The following KATNIP variants were observed in gnomAD, a reference collection of about 807,000 sequenced individuals.
The protein encoded by KATNIP is katanin-interacting protein.
In KATNIP, 126 loss-of-function variants were observed where a neutral mutation model predicts 174.0. That is an observed-to-expected ratio of 0.72 (90% CI 0.63 to 0.84). The LOEUF (loss-of-function observed/expected upper bound fraction) is 0.84. Among genes scored for constraint, KATNIP ranks in the 40% least tolerant of loss-of-function variants. The probability of loss-of-function intolerance (pLI) is 0.00; values close to 1 mark genes in which losing one functional copy is unlikely to be tolerated. For missense variants in KATNIP, 1,958 were observed against 2,109.7 expected, an observed-to-expected ratio of 0.93 and a Z score of 1.41; for synonymous variants, 810 against 835.7, an observed-to-expected ratio of 0.97 and a Z score of 0.53.
At chr16:27,578,109 T>C (rs1399415111) in intron 2 of KATNIP, among the ~76,000 whole-genome samples, 1 of 152,154 alleles carries the variant, frequency 6.6e-6, no homozygotes, top group African/African-American at 2.4e-5. Context: ...TTTAATCCCC[T>C]AAGTGGTTCC....
chr16:27,661,963 CATATATATATATATATATAT>C (rs56379426), intron 6 of KATNIP, among the ~76,000 whole-genome samples: 1 of 6,752 alleles, frequency 1.5e-4, no homozygotes, highest in African/African-American at 6.0e-4. Context: ...TATACACATA[CATATATATATATATATATAT>C]ATACACATAC....
chr16:27,693,668 C>T (rs1277955986), intron 8 of KATNIP, among the ~76,000 whole-genome samples: 5 of 152,146 alleles, frequency 3.3e-5, no homozygotes, highest in African/African-American at 7.2e-5. Flanking sequence ...GGATTACAGA[C>T]GTGAGCCACT....
intron 1 of KATNIP, among the ~76,000 whole-genome samples, chr16:27,551,596 T>C (rs1364611825): frequency 6.6e-6 from 1 of 152,138 alleles, no homozygotes; most frequent in Non-Finnish European, 1.5e-5. Context: ...TTAAAAATAA[T>C]AAAAATTGGG....
intron 1 of KATNIP, among the ~76,000 whole-genome samples, chr16:27,567,748 G>C (rs992715587): frequency 6.6e-6 from 1 of 152,026 alleles, no homozygotes; most frequent in Non-Finnish European, 1.5e-5. Flanking sequence ...GGCTAGTCTC[G>C]AACTCTTGAC....
chr16:27,756,276 C>T (rs189475847), intron 18 of KATNIP, among the ~76,000 whole-genome samples: 11 of 152,340 alleles, frequency 7.2e-5, no homozygotes, highest in Admixed American at 5.9e-4. Context: ...CATTCCAGGG[C>T]GCACTCTCAA....
chr16:27,602,509 A>G (rs1023961618), intron 2 of KATNIP, among the ~76,000 whole-genome samples: 1 of 152,102 alleles, frequency 6.6e-6, no homozygotes, highest in Non-Finnish European at 1.5e-5. Flanking sequence ...TTTTATCCCA[A>G]TACCTTGTAA....
chr16:27,750,544 C>T (rs1292898225), intron 16 of KATNIP, among the ~76,000 whole-genome samples: 7 of 150,672 alleles, frequency 4.6e-5, no homozygotes, highest in Non-Finnish European at 7.4e-5. Context: ...CTCAGCCTCA[C>T]GAGTAGCTGG....
chr16:27,773,355 C>G (rs1425393545), intron 23 of KATNIP, 146 bp downstream of exon 23: 1 of 566,238 alleles, frequency 1.8e-6, no homozygotes, highest in Non-Finnish European at 3.1e-6. Context: ...CAGATGCTGA[C>G]CCTTGGGGAC....
At chr16:27,578,481 CATT>C (rs906076796) in intron 2 of KATNIP, among the ~76,000 whole-genome samples, 4 of 152,126 alleles carry the variant, frequency 2.6e-5, no homozygotes, top group African/African-American at 9.7e-5. Context: ...GAATGATAAA[CATT>C]ATAGATGAGC....
chr16:27,735,262 CGTCT>C (rs1421300805), intron 14 of KATNIP, among the ~76,000 whole-genome samples: 1 of 152,156 alleles, frequency 6.6e-6, no homozygotes. Flanking sequence ...CTCCGCCAGA[CGTCT>C]TGGTGGGAAC....
At chr16:27,749,437 C>G (rs1031252548) in intron 15 of KATNIP, 147 bp from the exon 16 acceptor site, 1 of 942,514 alleles carries the variant, frequency 1.1e-6, no homozygotes, top group Admixed American at 2.7e-5. Context: ...AAGGAGACAG[C>G]CGGGAACAAC....
chr16:27,625,855 C>CT (rs532789125), intron 3 of KATNIP, among the ~76,000 whole-genome samples: 208 of 143,852 alleles, frequency 1.4e-3, no homozygotes, highest in African/African-American at 2.5e-3. Context: ...TTCTTTCTTT[C>CT]TTTTTTTTTT....
At chr16:27,661,993 CATATAT>C (rs56350763) in intron 6 of KATNIP, among the ~76,000 whole-genome samples, 83 of 5,494 alleles carry the variant, frequency 0.015, 19 homozygotes, top group African/African-American at 0.078. Flanking sequence ...TATACACATA[CATATAT>C]ATATATATAT....
At chr16:27,719,192 G>T (rs2080097710) in intron 13 of KATNIP, among the ~76,000 whole-genome samples, 1 of 152,218 alleles carries the variant, frequency 6.6e-6, no homozygotes, top group African/African-American at 2.4e-5. Flanking sequence ...GCAGAAGAGG[G>T]AAGCAAGGTG....
At chr16:27,660,412 G>T (rs566232171) in intron 6 of KATNIP, among the ~76,000 whole-genome samples, 4 of 152,228 alleles carry the variant, frequency 2.6e-5, no homozygotes, top group African/African-American at 9.6e-5. Context: ...AACCAGGCAT[G>T]GTGGCGCATG....
At chr16:27,663,335 G>C (rs2077583530) in intron 6 of KATNIP, among the ~76,000 whole-genome samples, 1 of 150,000 alleles carries the variant, frequency 6.7e-6, no homozygotes, top group African/African-American at 2.5e-5. Flanking sequence ...TATCAATTAG[G>C]CTATACATTT....
intron 7 of KATNIP, among the ~76,000 whole-genome samples, chr16:27,679,917 C>G (rs931229476): frequency 6.6e-6 from 1 of 152,102 alleles, no homozygotes; most frequent in Non-Finnish European, 1.5e-5. Flanking sequence ...CCCAGATGAC[C>G]ACAGTCCCTT....
intron 2 of KATNIP, among the ~76,000 whole-genome samples, chr16:27,597,446 T>C (rs998581327): frequency 1.6e-5 from 2 of 126,286 alleles, no homozygotes; most frequent in African/African-American, 5.9e-5. Context: ...GAAATGGTGT[T>C]ACACTGAATG....
intron 2 of KATNIP, among the ~76,000 whole-genome samples, chr16:27,611,360 G>C (rs2075883508): frequency 6.6e-6 from 1 of 152,176 alleles, no homozygotes; most frequent in Non-Finnish European, 1.5e-5. Context: ...GGTGCCTTAA[G>C]TATTCATACA....
Sources: gnomAD v4.1 joint callset for allele counts (sites outside exome capture counted in the v4.1 genomes callset) on GRCh38, gnomAD v4.1.1 for gene constraint, MANE v1.5 for transcripts, NCBI Gene and HGNC (gene_info 2026-07-23, HGNC 2026-07-21) for gene names.